Variants in AK9 observed in about 807,000 individuals in gnomAD.
AK9 encodes adenylate kinase 9.
AK9 carries 191 observed loss-of-function variants against 239.6 expected under a neutral mutation model. That is an observed-to-expected ratio of 0.80 (90% CI 0.71 to 0.90). The LOEUF is 0.90. AK9 is among the 40% of genes least tolerant of loss of function. The pLI is 0.00. For missense variants in AK9, 1,995 were observed against 2,214.7 expected, an observed-to-expected ratio of 0.90 and a Z score of 1.99; for synonymous variants, 689 against 721.0, an observed-to-expected ratio of 0.96 and a Z score of 0.71.
chr6:109,680,816 A>C (rs1223584217), intron 1 of AK9, among the ~76,000 whole-genome samples: 1 of 152,246 alleles, frequency 6.6e-6, no homozygotes, highest in Non-Finnish European at 1.5e-5. Context: ...CTTAAAGAAA[A>C]GAATTTTCAA....
intron 27 of AK9, among the ~76,000 whole-genome samples, chr6:109,536,218 A>C (rs1781971857): frequency 1.3e-5 from 2 of 152,092 alleles, no homozygotes; most frequent in Non-Finnish European, 2.9e-5. Flanking sequence ...TTTTCATGAT[A>C]TTGATTCTTC....
intron 18 of AK9, among the ~76,000 whole-genome samples, chr6:109,585,604 A>G (rs1039411908): frequency 1.3e-5 from 2 of 152,156 alleles, no homozygotes; most frequent in African/African-American, 4.8e-5. Context: ...ACTAACATTT[A>G]GTCTTTGCCC....
intron 10 of AK9, among the ~76,000 whole-genome samples, chr6:109,636,805 T>C (rs1013597433): frequency 2.8e-5 from 4 of 144,352 alleles, no homozygotes; most frequent in Non-Finnish European, 4.5e-5. Context: ...AGTTCATCCA[T>C]TGATGGACAT....
intron 8 of AK9, among the ~76,000 whole-genome samples, chr6:109,645,616 A>G (rs1797959769): frequency 6.6e-6 from 1 of 152,002 alleles, no homozygotes; most frequent in African/African-American, 2.4e-5. Context: ...TGTAGACTCC[A>G]CCTCTGGGGG....
chr6:109,625,504 C>T (rs765886991), intron 12 of AK9, among the ~76,000 whole-genome samples: 1 of 152,204 alleles, frequency 6.6e-6, no homozygotes, highest in Non-Finnish European at 1.5e-5. Flanking sequence ...GGTCGATGAG[C>T]GTTACTGCCT....
intron 10 of AK9, among the ~76,000 whole-genome samples, chr6:109,635,327 T>C (rs1796583451): frequency 6.6e-6 from 1 of 151,780 alleles, no homozygotes; most frequent in Non-Finnish European, 1.5e-5. Flanking sequence ...CAACAAGGAG[T>C]CAGTGGATTC....
chr6:109,614,997 G>A (rs1188688501), intron 13 of AK9, among the ~76,000 whole-genome samples: 2 of 152,164 alleles, frequency 1.3e-5, no homozygotes, highest in Non-Finnish European at 2.9e-5. Context: ...AGCATCTATT[G>A]CTATATTCCA....
intron 19 of AK9, among the ~76,000 whole-genome samples, chr6:109,580,859 C>G (rs558124102): frequency 1.3e-5 from 2 of 152,072 alleles, no homozygotes; most frequent in Non-Finnish European, 2.9e-5. Context: ...GCAGGCATAC[C>G]TTGCCTTATT....
At chr6:109,658,503 A>AT (rs1799996067) in intron 7 of AK9, among the ~76,000 whole-genome samples, 1 of 152,192 alleles carries the variant, frequency 6.6e-6, no homozygotes, top group South Asian at 2.1e-4. Context: ...CACGGAAGTT[A>AT]TTAGCCACAT....
chr6:109,612,181 G>T, intron 15 of AK9, 88 bp from the exon 16 acceptor site: 1 of 806,854 alleles, frequency 1.2e-6, no homozygotes. Flanking sequence ...TAAGCCTAGG[G>T]AACCAGGACT....
At chr6:109,541,759 T>C (rs1782918843) in intron 27 of AK9, among the ~76,000 whole-genome samples, 1 of 152,212 alleles carries the variant, frequency 6.6e-6, no homozygotes, top group African/African-American at 2.4e-5. Flanking sequence ...TGTTTAGGTT[T>C]TTACAGTTTT....
At chr6:109,679,579 C>G (rs1051537960) in intron 1 of AK9, among the ~76,000 whole-genome samples, 1 of 152,186 alleles carries the variant, frequency 6.6e-6, no homozygotes, top group Non-Finnish European at 1.5e-5. Flanking sequence ...AGCAGGGGAT[C>G]TCCTAGCACA....
At chr6:109,674,498 C>A (rs1010582169) in intron 2 of AK9, among the ~76,000 whole-genome samples, 2 of 152,112 alleles carry the variant, frequency 1.3e-5, no homozygotes, top group African/African-American at 4.8e-5. Flanking sequence ...AAGTACATAG[C>A]CCTAAAATCA....
chr6:109,644,460 C>A (rs1368444384), intron 9 of AK9, 154 bp downstream of exon 9: 1 of 549,880 alleles, frequency 1.8e-6, no homozygotes, highest in East Asian at 3.4e-5. Flanking sequence ...GATGAATAAA[C>A]AGAACATCAA....
rs1361549301 is a variant in AK9, at chr6:109,497,575, A to T, written c.5217-12T>A. 2 of 1,547,654 alleles carry T rather than the reference A, an allele frequency of 1.3e-6. No individual in the cohort carries two copies. The highest frequency in any genetic ancestry group is 3.6e-5 in the Admixed American group (2 of 54,980). The stretch of plus-strand genomic sequence containing the variant: ...CTAGAGCTTCATATCTGGAAGACCA[A>T]AAAACAAAACAAAACCTCTATTGTA... On this transcript the variant is annotated splice_polypyrimidine_tract_variant and intron_variant, in intron 37 of 40. Transcript: ENST00000424296.
intron 17 of AK9, among the ~76,000 whole-genome samples, chr6:109,597,680 A>AAT (rs1554265053): frequency 2.6e-5 from 4 of 151,168 alleles, no homozygotes; most frequent in African/African-American, 7.3e-5. Flanking sequence ...CTCAAAAAAA[A>AAT]TTTTTTTTTA....
At chr6:109,573,386 C>A in intron 21 of AK9, 56 bp downstream of exon 21, 1 of 1,483,292 alleles carries the variant, frequency 6.7e-7, no homozygotes, top group Non-Finnish European at 9.0e-7. Context: ...CATACCCAAA[C>A]AGACACATTA....
intron 27 of AK9, among the ~76,000 whole-genome samples, chr6:109,539,918 A>G (rs760703509): frequency 1.2e-4 from 19 of 152,080 alleles, no homozygotes; most frequent in Non-Finnish European, 2.6e-4. Flanking sequence ...CAGTACAGTG[A>G]ATATTGCTGA....
intron 29 of AK9, among the ~76,000 whole-genome samples, chr6:109,523,948 A>G (rs959677070): frequency 6.6e-6 from 1 of 152,172 alleles, no homozygotes; most frequent in African/African-American, 2.4e-5. Flanking sequence ...CCCACAATAT[A>G]ACATTTACAA....
Sources: allele counts gnomAD v4.1 joint callset (sites outside exome capture counted in the v4.1 genomes callset), GRCh38; gene constraint gnomAD v4.1.1; transcripts MANE v1.5; gene names NCBI Gene and HGNC (gene_info 2026-07-23, HGNC 2026-07-21).